Variants in SULT1C3 observed in about 807,000 individuals in gnomAD.
SULT1C3 encodes the protein sulfotransferase 1C3.
SULT1C3 carries 31 observed loss-of-function variants against 28.4 expected under a neutral mutation model. That is an observed-to-expected ratio of 1.09 (90% CI 0.82 to 1.47). The LOEUF is 1.47. Among genes scored for constraint, SULT1C3 ranks in the 40% most tolerant of loss-of-function variants. SULT1C3 has a pLI of 0.00. For missense variants in SULT1C3, 307 were observed against 272.5 expected, an observed-to-expected ratio of 1.13 and a Z score of -0.89; for synonymous variants, 106 against 92.2, an observed-to-expected ratio of 1.15 and a Z score of -0.86.
At chr2:108,242,723 T>A (rs1014515339) in intron 1 of SULT1C3, among the ~76,000 whole-genome samples, 2 of 152,100 alleles carry the variant, frequency 1.3e-5, no homozygotes, top group Admixed American at 6.5e-5. Flanking sequence ...TACTTTTAAT[T>A]TTGGGGGCTT....
intron 4 of SULT1C3, 33 bp downstream of exon 4, chr2:108,253,475 G>T (rs1354652041): frequency 8.4e-7 from 1 of 1,183,462 alleles, no homozygotes; most frequent in African/African-American, 1.6e-5. Context: ...ACTTCTCTTA[G>T]CTTGGTGATA....
At chr2:108,254,827 A>ACG (rs1250034582) in intron 4 of SULT1C3, among the ~76,000 whole-genome samples, 2 of 151,172 alleles carry the variant, frequency 1.3e-5, no homozygotes, top group African/African-American at 2.4e-5. Context: ...GTGTATATAT[A>ACG]CACATATATA....
Position 108,253,454 on chromosome 2 carries a change from G to T in SULT1C3, c.399+12G>T. 7.0e-7 allele frequency: 1 copy of T among 1,423,724 alleles called. No homozygotes were observed. Among genetic ancestry groups the T allele is most frequent in the Non-Finnish European group, 9.4e-7 (1 of 1,065,598 alleles). The allele number at this position is 1,423,724 out of a possible 1,614,324, so 88.2% of individuals were successfully genotyped here. ...AAGAAAACTGCAAGGTATAAAGAGG[G>T]GGCTTTTCAAACTTCTCTTAGCTTG... is the stretch of plus-strand genomic sequence containing the variant. On this transcript the variant is annotated intron_variant, in intron 4 of 7. Transcript: ENST00000681802.
At chr2:108,243,209 C>T (rs1675503186) in intron 1 of SULT1C3, among the ~76,000 whole-genome samples, 1 of 152,202 alleles carries the variant, frequency 6.6e-6, no homozygotes, top group Admixed American at 6.5e-5. Context: ...CTGACCCAAA[C>T]AGCTCCATTT....
At chr2:108,261,316 C>T (rs4141934), downstream of SULT1C3, among the ~76,000 whole-genome samples, 100,606 of 151,944 alleles carry the variant, frequency 0.66, 33,552 homozygotes, top group East Asian at 0.84. Flanking sequence ...AATCTTCCCA[C>T]GATATAAATA....
At chr2:108,260,419 C>A (rs981316151) in intron 7 of SULT1C3, 149 bp from the exon 8 acceptor site, 4 of 320,470 alleles carry the variant, frequency 1.2e-5, no homozygotes, top group Non-Finnish European at 2.5e-5. Context: ...AAATGAGGGA[C>A]CATTCATAGT....
In SULT1C3 at chr2:108,259,018, CAGGTGATGTTATAAACAA is replaced by C. The variant is rs746669927; in HGVS notation, c.675_692del (p.Gly226_Lys231del). On this transcript the variant is annotated inframe_deletion, in exon 7 of 8. Transcript: ENST00000681802. ...TTGGAATTCTTGGAGAAAACTTGGT[CAGGTGATGTTATAAACAA>C]GATTGTCCACCATACCTCATTTGAT... 1.2e-4 allele frequency: 40 copies of C among 323,604 alleles called. No individual in the cohort carries two copies. The South Asian group carries it at 1.6e-3, about 13-fold the overall frequency. 20.0% of individuals were successfully genotyped at this position (323,604 alleles called of 1,614,324 possible). A position where few individuals can be genotyped will look rare whatever the true frequency, so the allele number is the denominator to read the frequency against.
chr2:108,264,825 G>A (rs367742535), downstream of SULT1C3: 205 of 1,605,662 alleles, frequency 1.3e-4, no homozygotes, highest in Non-Finnish European at 1.7e-4. Context: ...CCACATACAG[G>A]ACCCAAAGCG....
At position 108,247,199 on chromosome 2, in the gene SULT1C3, C is replaced by A; in HGVS notation, c.5C>A (p.Ala2Glu). The change falls in exon 2 of 8, where the codon GCG becomes GAG. Residue 2 changes from alanine to glutamate, a missense_variant. Ala to Glu is a moderately radical substitution (Grantham distance 107). Coordinates refer to ENST00000681802, the MANE Select transcript of SULT1C3 (RefSeq NM_001320878.2). The part of the protein sequence containing the change: M[A>E]KIEKNAPTME... ...CTTACCCATCCCAGATTCCCAATGG[C>A]GAAGATTGAGAAAAACGCTCCCACG... is the stretch of plus-strand genomic sequence containing the variant. 1 of 1,513,332 alleles carries A rather than the reference C, an allele frequency of 6.6e-7. No homozygotes were observed. 93.7% of individuals were successfully genotyped at this position (1,513,332 alleles called of 1,614,324 possible).
chr2:108,254,687 A>G (rs1675816463), intron 4 of SULT1C3, among the ~76,000 whole-genome samples: 1 of 149,064 alleles, frequency 6.7e-6, no homozygotes, highest in African/African-American at 2.5e-5. Flanking sequence ...CATGTGAGAT[A>G]TGTGTGTGTG....
chr2:108,262,625 A>C (rs1014980074), downstream of SULT1C3, among the ~76,000 whole-genome samples: 1 of 152,210 alleles, frequency 6.6e-6, no homozygotes, highest in Non-Finnish European at 1.5e-5. Flanking sequence ...TAAAAGCTAC[A>C]AACAGAGTTG....
intron 1 of SULT1C3, among the ~76,000 whole-genome samples, chr2:108,243,007 A>C (rs781510285): frequency 6.6e-6 from 1 of 152,190 alleles, no homozygotes; most frequent in African/African-American, 2.4e-5. Flanking sequence ...ATCCCTTTTT[A>C]CTCGACTTTA....
At chr2:108,253,305 T>C in intron 3 of SULT1C3, 40 bp from the exon 4 acceptor site, 1 of 1,335,520 alleles carries the variant, frequency 7.5e-7, no homozygotes, top group Non-Finnish European at 1.0e-6. Context: ...TTTGGCAGAG[T>C]GCCAAGAATA....
intron 1 of SULT1C3, among the ~76,000 whole-genome samples, chr2:108,243,071 T>G: frequency 6.6e-6 from 1 of 152,198 alleles, no homozygotes; most frequent in Non-Finnish European, 1.5e-5. Context: ...AAAGTAACCT[T>G]ACAGGTGAAA....
At chr2:108,264,454 G>T (rs1676087127), downstream of SULT1C3, among the ~76,000 whole-genome samples, 1 of 152,084 alleles carries the variant, frequency 6.6e-6, no homozygotes, top group African/African-American at 2.4e-5. Flanking sequence ...CACCAACATT[G>T]TTCCTCCTTC....
chr2:108,248,787 G>A (rs1396444208), intron 2 of SULT1C3, among the ~76,000 whole-genome samples: 3 of 152,032 alleles, frequency 2.0e-5, no homozygotes, highest in East Asian at 3.9e-4. Context: ...TACATCTGCC[G>A]TTATTTCAGA....
chr2:108,240,070 G>A lies in SULT1C3; in HGVS notation c.-21G>A, dbSNP rs187684477. Among the ~76,000 whole-genome samples the A allele has an allele frequency of 6.6e-6, 1 of 152,222 alleles. No individual in the cohort carries two copies. Among genetic ancestry groups the A allele is most frequent in the East Asian group, 1.9e-4 (1 of 5,188 alleles). On this transcript the variant is annotated 5_prime_UTR_variant, in exon 1 of 8. Coordinates refer to ENST00000681802, the MANE Select transcript of SULT1C3 (RefSeq NM_001320878.2). ...AAGGCAGCAAGCTGCTTCCTCTGCTGCCTGAGATACCAGGTAAGCCTCACC... is the reference window on the plus strand; with the variant it reads ...AAGGCAGCAAGCTGCTTCCTCTGCTACCTGAGATACCAGGTAAGCCTCACC...
downstream of SULT1C3, chr2:108,264,771 A>T (rs1676093670): frequency 8.6e-6 from 13 of 1,516,982 alleles, no homozygotes; most frequent in Non-Finnish European, 1.2e-5. Flanking sequence ...ATGGAACATC[A>T]TCCCCAAGGG....
Position 108,249,164 on chromosome 2 carries a change from C to T in SULT1C3, c.172+1798C>T, listed in dbSNP as rs539358839. The stretch of plus-strand genomic sequence containing the variant: ...AGTGAGACCCTAAACAGAGGACTAG[C>T]CATGTTAACCCCAATTTCTAATCTA... On this transcript the variant is annotated intron_variant, in intron 2 of 7. Coordinates refer to ENST00000681802, the MANE Select transcript of SULT1C3 (RefSeq NM_001320878.2). 5.9e-5 allele frequency among the ~76,000 whole-genome samples: 9 copies of T among 152,098 alleles called. No homozygotes were observed. The East Asian group carries it at 1.2e-3, about 20-fold the overall frequency.
Sources: allele counts gnomAD v4.1 joint callset (sites outside exome capture counted in the v4.1 genomes callset), GRCh38; gene constraint gnomAD v4.1.1; transcripts MANE v1.5; gene names NCBI Gene and HGNC (gene_info 2026-07-23, HGNC 2026-07-21).